JAK2: variants seen among roughly 807,000 people sequenced by gnomAD.
The protein encoded by JAK2 is Janus kinase 2.
A neutral mutation model predicts 139.3 loss-of-function variants in JAK2; 86 were observed. The ratio of observed to expected loss-of-function variants is 0.62; its 90% CI spans 0.52 to 0.74. The LOEUF (loss-of-function observed/expected upper bound fraction) is 0.74. Among genes scored for constraint, JAK2 ranks in the 30% least tolerant of loss-of-function variants. The pLI, the probability that JAK2 is intolerant of heterozygous loss-of-function variation, is 0.00. For missense variants in JAK2, 1,421 were observed against 1,360.3 expected (o/e 1.04, Z -0.70); for synonymous variants, 490 against 437.7 (o/e 1.12, Z -1.49).
chr9:5,083,204 G>A (rs1819835327), intron 19 of JAK2, among the ~76,000 whole-genome samples: 1 of 140,660 alleles, frequency 7.1e-6, no homozygotes, highest in African/African-American at 2.7e-5. Context: ...ATCTCAGGGA[G>A]AATTAATCTT....
intron 4 of JAK2, among the ~76,000 whole-genome samples, chr9:5,037,363 A>G (rs140959190): frequency 0.014 from 2,076 of 152,264 alleles, 55 homozygotes; most frequent in African/African-American, 0.048. Flanking sequence ...CTGGGTATAT[A>G]CCCAAAGGAT....
At chr9:5,085,775 A>G (rs753779898) in intron 19 of JAK2, 8 of 754,384 alleles carry the variant, frequency 1.1e-5, no homozygotes, top group Admixed American at 5.2e-5. Context: ...GGGAGTTATT[A>G]TGATGAATAT....
At position 5,126,832 on chromosome 9, in the gene JAK2, A is replaced by G. The variant is rs1341764469; in HGVS notation, c.*41A>G. ...TTCTGAGACCAAAGTAGATTTACAG[A>G]ACAAAGTTTTATATTTCACATTGCT... On this transcript the variant is annotated 3_prime_UTR_variant, in exon 25 of 25. Transcript: ENST00000381652. 7.9e-7 allele frequency: 1 copy of G among 1,268,494 alleles called. No individual in the cohort carries two copies. The highest frequency in any genetic ancestry group is 1.1e-6 in the Non-Finnish European group (1 of 878,034). The allele number at this position is 1,268,494 out of a possible 1,614,324, so 78.6% of individuals were successfully genotyped here.
At chr9:5,012,089 T>C (rs1389081745) in intron 2 of JAK2, among the ~76,000 whole-genome samples, 1 of 152,198 alleles carries the variant, frequency 6.6e-6, no homozygotes, top group African/African-American at 2.4e-5. Flanking sequence ...CTGACTCCCA[T>C]TTTCCTGAGA....
intron 19 of JAK2, chr9:5,085,710 G>A: frequency 1.3e-6 from 1 of 750,260 alleles, no homozygotes; most frequent in Non-Finnish European, 2.5e-6. Context: ...AAGACTAGCA[G>A]TGTGGATCAT....
At chr9:5,119,332 T>C (rs1399710491) in intron 22 of JAK2, among the ~76,000 whole-genome samples, 1 of 152,098 alleles carries the variant, frequency 6.6e-6, no homozygotes, top group African/African-American at 2.4e-5. Flanking sequence ...TAATGAAGCA[T>C]ATCCAGAGGT....
intron 8 of JAK2, among the ~76,000 whole-genome samples, chr9:5,058,381 T>G (rs183324862): frequency 1.1e-3 from 163 of 152,230 alleles, no homozygotes; most frequent in African/African-American, 3.7e-3. Context: ...AGAGAGACAG[T>G]GTCCAGGGGA....
In JAK2 at chr9:5,089,653, C is replaced by T. The variant is rs1048170566; in HGVS notation, c.2572-21C>T. The T allele has an allele frequency of 5.5e-6, 7 of 1,266,288 alleles. No homozygotes were observed. The African/African-American group carries it at 6.2e-5, about 11-fold the overall frequency. 78.4% of individuals were successfully genotyped at this position (1,266,288 alleles called of 1,614,324 possible). On this transcript the variant is annotated intron_variant, in intron 19 of 24. Transcript: ENST00000381652. ...GCCTTGAAAACTTGGTATTTCCATCCTAATGTGATGTGTCATTTAGGGTAA... is the reference window on the plus strand; with the variant it reads ...GCCTTGAAAACTTGGTATTTCCATCTTAATGTGATGTGTCATTTAGGGTAA...
chr9:5,036,039 C>T (rs201105843), intron 4 of JAK2, among the ~76,000 whole-genome samples: 1 of 152,134 alleles, frequency 6.6e-6, no homozygotes, highest in Non-Finnish European at 1.5e-5. Context: ...AAAGTCTCAG[C>T]ATACAAAATC....
chr9:5,096,700 A>G (rs1821019482), intron 22 of JAK2: 1 of 152,192 alleles, frequency 6.6e-6, no homozygotes, highest in Non-Finnish European at 1.5e-5. Flanking sequence ...TCAACCAATC[A>G]CAAAGCTATC....
At chr9:5,109,162 A>C (rs1187934406) in intron 22 of JAK2, 2 of 152,140 alleles carry the variant, frequency 1.3e-5, no homozygotes, top group Non-Finnish European at 2.9e-5. Context: ...ATCACAACAC[A>C]ATGAGGGACA....
Position 5,127,184 on chromosome 9 carries a change from A to C in JAK2, c.*393A>C. The C allele has an allele frequency of 4.2e-6, 1 of 236,174 alleles. No individual in the cohort carries two copies. Among genetic ancestry groups the C allele is most frequent in the African/African-American group, 2.2e-5 (1 of 45,446 alleles). The allele number at this position is 236,174 out of a possible 1,614,324, so 14.6% of individuals were successfully genotyped here. On this transcript the variant is annotated 3_prime_UTR_variant, in exon 25 of 25. Transcript: ENST00000381652. ...TAGTTTTTACCACAGTGGATGTATA[A>C]TACCTTGGCATCTTGTGTGATGTTT... is the stretch of plus-strand genomic sequence containing the variant.
intron 22 of JAK2, among the ~76,000 whole-genome samples, chr9:5,113,388 T>C (rs1586822818): frequency 6.8e-6 from 1 of 146,568 alleles, no homozygotes; most frequent in African/African-American, 2.6e-5. Flanking sequence ...CTAAGCGTAA[T>C]TTTTTTTAAG....
intron 10 of JAK2, among the ~76,000 whole-genome samples, chr9:5,068,126 C>T (rs1318865469): frequency 2.0e-5 from 3 of 150,652 alleles, no homozygotes; most frequent in African/African-American, 4.9e-5. Flanking sequence ...TGCCACTGCA[C>T]TCCAGCCTGG....
At chr9:5,019,231 G>C (rs1257287030) in intron 2 of JAK2, among the ~76,000 whole-genome samples, 1 of 152,094 alleles carries the variant, frequency 6.6e-6, no homozygotes, top group African/African-American at 2.4e-5. Flanking sequence ...ATGTCATGCA[G>C]GCTTTGTTCA....
Position 5,123,113 on chromosome 9 carries a change from C to A in JAK2, c.3169C>A (p.Pro1057Thr). 6.3e-7 allele frequency: 1 copy of A among 1,581,292 alleles called. No individual in the cohort carries two copies. Among genetic ancestry groups the A allele is most frequent in the Non-Finnish European group, 8.6e-7 (1 of 1,159,450 alleles). Residue 1057 changes from proline to threonine, a missense_variant, in exon 23 of 25, where the codon CCA becomes ACA. Pro to Thr is a conservative substitution (Grantham distance 38). Transcript: ENST00000381652. Reference sequence around the variant, plus strand: ...CACATACATTGAGAAGAGTAAAAGTCCACCAGCGGTCAGTGTGCTTTTTAT... The same window carrying A: ...CACATACATTGAGAAGAGTAAAAGTACACCAGCGGTCAGTGTGCTTTTTAT... ...LFTYIEKSKSPPAEFMRMIGN... is the reference protein window; with the variant it reads ...LFTYIEKSKSTPAEFMRMIGN...
intron 3 of JAK2, among the ~76,000 whole-genome samples, chr9:5,024,005 C>G (rs554410414): frequency 8.6e-5 from 13 of 151,970 alleles, no homozygotes; most frequent in Non-Finnish European, 1.5e-4. Context: ...ACCTGTAATC[C>G]CAGCACTTTG....
chr9:5,114,177 C>G, intron 22 of JAK2: 1 of 432,576 alleles, frequency 2.3e-6, no homozygotes, highest in Non-Finnish European at 4.6e-6. Flanking sequence ...AGATTCTAAC[C>G]CGCAAGGGGT....
chr9:5,090,027 A>G (rs1174845603), intron 20 of JAK2, among the ~76,000 whole-genome samples, 164 bp downstream of exon 20: 2 of 152,232 alleles, frequency 1.3e-5, no homozygotes, highest in East Asian at 3.8e-4. Flanking sequence ...GACTATAACT[A>G]TAGGAAGTAT....
Sources: gnomAD v4.1 joint callset for allele counts (sites outside exome capture counted in the v4.1 genomes callset) on GRCh38, gnomAD v4.1.1 for gene constraint, MANE v1.5 for transcripts, NCBI Gene and HGNC (gene_info 2026-07-23, HGNC 2026-07-21) for gene names.